KIRREL3: variants seen among roughly 807,000 people sequenced by gnomAD.
KIRREL3 encodes kin of IRRE-like protein 3.
Under a neutral mutation model 89.7 loss-of-function variants are expected in KIRREL3, and 36 were observed. The ratio of observed to expected loss-of-function variants is 0.40; its 90% CI spans 0.31 to 0.53. KIRREL3 has a LOEUF of 0.53. Among genes scored for constraint, KIRREL3 ranks in the 20% least tolerant of loss-of-function variants. KIRREL3 has a pLI of 0.49. For missense variants in KIRREL3, 864 were observed against 1,056.6 expected (o/e 0.82, Z 2.53); for synonymous variants, 445 against 441.4 (o/e 1.01, Z -0.10).
chr11:126,882,134 C>T (rs955337906), intron 1 of KIRREL3, among the ~76,000 whole-genome samples: 2 of 152,120 alleles, frequency 1.3e-5, no homozygotes, highest in African/African-American at 2.4e-5. Context: ...ACTTTGTTCA[C>T]CCTGACTCCT....
intron 1 of KIRREL3, among the ~76,000 whole-genome samples, chr11:126,749,482 T>C (rs1291020570): frequency 2.0e-5 from 3 of 152,180 alleles, no homozygotes; most frequent in Admixed American, 2.0e-4. Flanking sequence ...CATCATCTGC[T>C]GAGAACCAGA....
At position 126,897,413 on chromosome 11, in the gene KIRREL3, A is replaced by G. The variant is rs567916482; in HGVS notation, c.55+103042T>C. 8.6e-5 allele frequency among the ~76,000 whole-genome samples: 13 copies of G among 152,002 alleles called. No individual in the cohort carries two copies. Among genetic ancestry groups the G allele is most frequent in the South Asian group, 2.1e-4 (1 of 4,808 alleles). On this transcript the variant is annotated intron_variant, in intron 1 of 16. Coordinates refer to ENST00000525144, the MANE Select transcript of KIRREL3 (RefSeq NM_032531.4). The surrounding 1 kb of genome is among the most constrained non-coding windows in gnomAD (Gnocchi z 4.2). ...CCCCAAGCGTTCTCTTATTTTGGGG[A>G]AAAAAAATGAATGTGCAATTCAACT...
At chr11:126,512,924 C>T (rs1324649511) in intron 4 of KIRREL3, among the ~76,000 whole-genome samples, 3 of 152,170 alleles carry the variant, frequency 2.0e-5, no homozygotes, top group African/African-American at 4.8e-5. Flanking sequence ...ATGGAGAGGG[C>T]GGGCCCTGAG....
In KIRREL3 at chr11:126,697,663, C is replaced by T. The variant is rs925188316; in HGVS notation, c.56-134751G>A. On this transcript the variant is annotated intron_variant, in intron 1 of 16. Transcript: ENST00000525144. This position sits in a 1 kb window ranked among gnomAD's most constrained non-coding sequence, Gnocchi z 4.2. ...ATAACCTGAACTCATGTAAAAGTGG[C>T]TCTTTCCTCCCAGTCCAAACCACAA... Among the ~76,000 whole-genome samples, 1 of 152,226 alleles carries T rather than the reference C, an allele frequency of 6.6e-6. No homozygotes were observed. The highest frequency in any genetic ancestry group is 2.4e-5 in the African/African-American group (1 of 41,450).
intron 1 of KIRREL3, among the ~76,000 whole-genome samples, chr11:126,737,209 G>A (rs58608937): frequency 6.6e-6 from 1 of 152,132 alleles, no homozygotes; most frequent in Non-Finnish European, 1.5e-5. Context: ...CTGGGCTGGG[G>A]CCTGGCCTCA....
rs555892711 is a variant in KIRREL3, at chr11:126,776,140, G to A, written c.56-213228C>T. On this transcript the variant is annotated intron_variant, in intron 1 of 16. Transcript: ENST00000525144. This position sits in a 1 kb window ranked among gnomAD's most constrained non-coding sequence, Gnocchi z 4.7. ...TCCCTGAGTTTCTGCCAGCTCTGCCGGGAGCCCTGACCTCTAGAAGCTGGT... is the reference window on the plus strand; with the variant it reads ...TCCCTGAGTTTCTGCCAGCTCTGCCAGGAGCCCTGACCTCTAGAAGCTGGT... Among the ~76,000 whole-genome samples the A allele has an allele frequency of 3.3e-5, 5 of 152,258 alleles. No homozygotes were observed. Among genetic ancestry groups the A allele is most frequent in the South Asian group, 4.1e-4 (2 of 4,822 alleles).
chr11:126,452,321 C>T (rs934869205), intron 7 of KIRREL3, among the ~76,000 whole-genome samples: 3 of 152,252 alleles, frequency 2.0e-5, no homozygotes, highest in South Asian at 2.1e-4. Flanking sequence ...AGAGTCAGGC[C>T]GGCCCCTGCC....
rs1491126979 is a variant in KIRREL3, at chr11:126,457,244, T to TGTGTGTGTATGTGTGTATGC, written c.743-810_743-791dup. On this transcript the variant is annotated intron_variant, in intron 6 of 16. Transcript: ENST00000525144. ...GTGTGTGTATGCATGTGTATATGTA[T>TGTGTGTGTATGTGTGTATGC]GTGTGTGTATGTGTGTATGCATGTG... Among the ~76,000 whole-genome samples the TGTGTGTGTATGTGTGTATGC allele has an allele frequency of 4.6e-5, 6 of 130,794 alleles. No homozygotes were observed. In the South Asian group the frequency reaches 1.3e-3, roughly 28 times the overall value. 85.8% of individuals were successfully genotyped at this position (130,794 alleles called of 152,430 possible).
intron 2 of KIRREL3, among the ~76,000 whole-genome samples, chr11:126,546,446 G>A (rs1334810023): frequency 6.6e-6 from 1 of 152,204 alleles, no homozygotes; most frequent in Non-Finnish European, 1.5e-5. Flanking sequence ...CCTTCCTGAT[G>A]AGCTGCCCCT....
intron 1 of KIRREL3, among the ~76,000 whole-genome samples, chr11:126,706,048 A>G (rs1444960391): frequency 6.6e-6 from 1 of 152,230 alleles, no homozygotes; most frequent in Non-Finnish European, 1.5e-5. Context: ...ATTATCAGCC[A>G]TGTGAGTGAA....
intron 1 of KIRREL3, among the ~76,000 whole-genome samples, chr11:126,618,598 C>T (rs1050610649): frequency 6.6e-6 from 1 of 151,204 alleles, no homozygotes; most frequent in Non-Finnish European, 1.5e-5. Context: ...CCATACCTGG[C>T]TAATTTTTAT....
rs1591978598 is a variant in KIRREL3 at position 126,697,111 on chromosome 11, T to C, written c.56-134199A>G. 6.6e-6 allele frequency among the ~76,000 whole-genome samples: 1 copy of C among 152,220 alleles called. No homozygotes were observed. The highest frequency in any genetic ancestry group is 2.4e-5 in the African/African-American group (1 of 41,474). ...CTCCTTCGGGCTGCGGCTTAGCATG[T>C]TCCCCTCAGCCTCCTTGCAAATGAA... On this transcript the variant is annotated intron_variant, in intron 1 of 16. Coordinates refer to ENST00000525144, the MANE Select transcript of KIRREL3 (RefSeq NM_032531.4). The surrounding 1 kb of genome is among the most constrained non-coding windows in gnomAD (Gnocchi z 4.2).
At chr11:126,956,877 G>A (rs947515342) in intron 1 of KIRREL3, among the ~76,000 whole-genome samples, 1 of 152,144 alleles carries the variant, frequency 6.6e-6, no homozygotes, top group African/African-American at 2.4e-5. Context: ...GGCAATTCTG[G>A]TTGTCACCCT....
intron 1 of KIRREL3, among the ~76,000 whole-genome samples, chr11:126,882,047 T>C (rs1378530701): frequency 6.6e-6 from 1 of 152,150 alleles, no homozygotes; most frequent in African/African-American, 2.4e-5. Flanking sequence ...AATAGGCCCC[T>C]GATTGGTCAG....
At chr11:126,916,416 T>C (rs1308921937) in intron 1 of KIRREL3, among the ~76,000 whole-genome samples, 1 of 152,138 alleles carries the variant, frequency 6.6e-6, no homozygotes, top group Non-Finnish European at 1.5e-5. Context: ...TTTTAACACG[T>C]ACCCAGGTGA....
At chr11:126,950,424 C>T (rs958787189) in intron 1 of KIRREL3, among the ~76,000 whole-genome samples, 3 of 152,008 alleles carry the variant, frequency 2.0e-5, no homozygotes, top group Non-Finnish European at 2.9e-5. Context: ...GCAGGGACAC[C>T]CAATGTCTAC....
In KIRREL3 at chr11:126,623,215, A is replaced by G. The variant is rs1226058734; in HGVS notation, c.56-60303T>C. Among the ~76,000 whole-genome samples the G allele has an allele frequency of 6.6e-6, 1 of 152,126 alleles. No homozygotes were observed. The highest frequency in any genetic ancestry group is 1.5e-5 in the Non-Finnish European group (1 of 68,020). On this transcript the variant is annotated intron_variant, in intron 1 of 16. Coordinates refer to ENST00000525144, the MANE Select transcript of KIRREL3 (RefSeq NM_032531.4). This position sits in a 1 kb window ranked among gnomAD's most constrained non-coding sequence, Gnocchi z 4.1. ...GTTTTCTTCACCTTCAACTCATCTC[A>G]ATGGGTGGAAAAACCTACCCACATG...
In KIRREL3 at chr11:126,637,213, C is replaced by T. The variant is rs538891962; in HGVS notation, c.56-74301G>A. 8.5e-5 allele frequency among the ~76,000 whole-genome samples: 13 copies of T among 152,326 alleles called. 1 individual carries two copies. The South Asian group carries it at 2.5e-3, about 29-fold the overall frequency. ...TTGGAGGTGGAGAATGGAACTTCCT[C>T]ACTGGTATGCTGAGTTTTGATTTCC... On this transcript the variant is annotated intron_variant, in intron 1 of 16. Coordinates refer to ENST00000525144, the MANE Select transcript of KIRREL3 (RefSeq NM_032531.4).
intron 4 of KIRREL3, among the ~76,000 whole-genome samples, chr11:126,482,179 C>T (rs1344493303): frequency 6.6e-6 from 1 of 152,180 alleles, no homozygotes; most frequent in African/African-American, 2.4e-5. Flanking sequence ...GCTGGGATTA[C>T]AAGTGCCCAC....
Sources: gnomAD v4.1 joint callset for allele counts (sites outside exome capture counted in the v4.1 genomes callset) on GRCh38, gnomAD v4.1.1 for gene constraint, Gnocchi (gnomAD v3.1) non-coding constraint, MANE v1.5 for transcripts, NCBI Gene and HGNC (gene_info 2026-07-23, HGNC 2026-07-21) for gene names.